DAB1: variants seen among roughly 807,000 people sequenced by gnomAD.
DAB1 encodes the protein disabled homolog 1.
In DAB1, 15 loss-of-function variants were observed where a neutral mutation model predicts 64.6. The observed-to-expected ratio is 0.23, with a 90% CI of 0.16 to 0.36. The LOEUF is 0.36. DAB1 is among the 10% of genes least tolerant of loss of function. The probability of loss-of-function intolerance (pLI) is 1.00; values close to 1 mark genes in which losing one functional copy is unlikely to be tolerated. For missense variants in DAB1, 596 were observed against 706.7 expected, an observed-to-expected ratio of 0.84 and a Z score of 1.78; for synonymous variants, 235 against 251.9, an observed-to-expected ratio of 0.93 and a Z score of 0.64.
At chr1:57,098,236 C>T (rs956933496) in intron 4 of DAB1, among the ~76,000 whole-genome samples, 2 of 152,060 alleles carry the variant, frequency 1.3e-5, no homozygotes, top group African/African-American at 4.8e-5. Flanking sequence ...AATATCTTAC[C>T]TTTATTTACT....
At chr1:57,871,966 G>C (rs1188899298) in intron 1 of DAB1, among the ~76,000 whole-genome samples, 3 of 151,962 alleles carry the variant, frequency 2.0e-5, no homozygotes, top group Non-Finnish European at 4.4e-5. Context: ...GCTATTTAGG[G>C]GACTGTGACT....
At chr1:57,121,130 G>GAGA (rs758921715) in intron 4 of DAB1, among the ~76,000 whole-genome samples, 8,592 of 130,980 alleles carry the variant, frequency 0.066, 323 homozygotes, top group East Asian at 0.21. Flanking sequence ...AGAAGAAGAA[G>GAGA]AGAAGAAGAA....
Position 58,096,457 on chromosome 1 carries a change from T to G in DAB1, n.387+54054A>C, listed in dbSNP as rs1045390331. 2.6e-5 allele frequency among the ~76,000 whole-genome samples: 4 copies of G among 152,366 alleles called. No individual in the cohort carries two copies. The South Asian group carries it at 8.3e-4, about 32-fold the overall frequency. On this transcript the variant is annotated intron_variant and non_coding_transcript_variant, in intron 5 of 20. Coordinates refer to the DAB1 transcript ENST00000485760. ...TTTGTGATAGCTGTTTCAGCCGTGGTGTGAGATCACTTGTATGTGTGTATG... is the reference window on the plus strand; with the variant it reads ...TTTGTGATAGCTGTTTCAGCCGTGGGGTGAGATCACTTGTATGTGTGTATG...
chr1:57,645,911 C>T (rs1646186937), intron 7 of DAB1, among the ~76,000 whole-genome samples: 1 of 152,064 alleles, frequency 6.6e-6, no homozygotes, highest in African/African-American at 2.4e-5. Flanking sequence ...GAATCTCCTA[C>T]TTTCTTTCAA....
chr1:58,015,559 C>T (rs1239156517), intron 5 of DAB1, among the ~76,000 whole-genome samples: 1 of 152,174 alleles, frequency 6.6e-6, no homozygotes, highest in Non-Finnish European at 1.5e-5. Context: ...GGCCCAGCAT[C>T]CATGGCTTCT....
chr1:57,138,827 T>C (rs1250621792), intron 3 of DAB1, among the ~76,000 whole-genome samples: 1 of 152,206 alleles, frequency 6.6e-6, no homozygotes, highest in Non-Finnish European at 1.5e-5. Context: ...CTCCTGGAAG[T>C]TACCACCATC....
intron 7 of DAB1, among the ~76,000 whole-genome samples, chr1:57,491,842 A>C (rs1644169645): frequency 6.6e-6 from 1 of 152,152 alleles, no homozygotes; most frequent in African/African-American, 2.4e-5. Context: ...GCCCAGTTTG[A>C]TCGAGGAAGA....
chr1:57,207,446 C>CTTTTTTGTTTTTTTT (rs1665659591), intron 2 of DAB1, among the ~76,000 whole-genome samples: 1 of 98,460 alleles, frequency 1.0e-5, no homozygotes. Flanking sequence ...TATTTCCTTT[C>CTTTTTTGTTTTTTTT]TTTTTTTTTT....
intron 3 of DAB1, among the ~76,000 whole-genome samples, chr1:58,491,445 T>C (rs7523411): frequency 0.18 from 27,031 of 151,986 alleles, 2,540 homozygotes; most frequent in Middle Eastern, 0.23. Flanking sequence ...GGGCTAAATG[T>C]TCCAATCAAA....
At chr1:57,714,549 C>A (rs1342865590) in intron 6 of DAB1, among the ~76,000 whole-genome samples, 3 of 152,128 alleles carry the variant, frequency 2.0e-5, no homozygotes, top group Non-Finnish European at 2.9e-5. Flanking sequence ...GGCAACCAGG[C>A]AGAGGAAGAA....
At chr1:57,478,047 C>T (rs1230477000) in intron 7 of DAB1, among the ~76,000 whole-genome samples, 2 of 138,150 alleles carry the variant, frequency 1.4e-5, no homozygotes, top group Non-Finnish European at 3.1e-5. Context: ...TGCTATCCCT[C>T]CCCCCGCCCC....
intron 7 of DAB1, among the ~76,000 whole-genome samples, chr1:57,553,448 GAAA>G (rs1644945178): frequency 3.7e-5 from 4 of 108,368 alleles, no homozygotes; most frequent in Admixed American, 3.0e-4. Context: ...GAAAGAGAAA[GAAA>G]GAAAGAAAGA....
intron 3 of DAB1, among the ~76,000 whole-genome samples, chr1:58,465,790 A>G (rs925110593): frequency 6.6e-6 from 1 of 152,162 alleles, no homozygotes; most frequent in African/African-American, 2.4e-5. Flanking sequence ...GGAGACAGGA[A>G]CCGTCATTAT....
chr1:58,372,803 T>C (rs1644278518), intron 3 of DAB1, among the ~76,000 whole-genome samples: 1 of 152,186 alleles, frequency 6.6e-6, no homozygotes, highest in Admixed American at 6.5e-5. Flanking sequence ...CTCTTTCTTG[T>C]CTGCCACCAT....
chr1:57,541,168 A>G (rs2793640), intron 7 of DAB1, among the ~76,000 whole-genome samples: 138,721 of 149,748 alleles, frequency 0.93, 65,156 homozygotes, highest in East Asian at 1. Context: ...TTGCTCTGTC[A>G]CCCAGGCTGG....
At chr1:57,486,596 C>G (rs1369607723) in intron 7 of DAB1, among the ~76,000 whole-genome samples, 2 of 152,148 alleles carry the variant, frequency 1.3e-5, no homozygotes, top group Admixed American at 6.5e-5. Flanking sequence ...GATTGTGAAA[C>G]TAAAGATGAG....
chr1:57,446,311 T>C (rs1408478607), intron 7 of DAB1, among the ~76,000 whole-genome samples: 1 of 152,118 alleles, frequency 6.6e-6, no homozygotes, highest in East Asian at 1.9e-4. Context: ...TATGACTAAA[T>C]TTTAGGCCAG....
intron 7 of DAB1, among the ~76,000 whole-genome samples, chr1:57,611,775 C>T (rs1399295879): frequency 6.6e-6 from 1 of 152,220 alleles, no homozygotes; most frequent in African/African-American, 2.4e-5. Context: ...TACATCTACT[C>T]TTGCCACCCC....
At chr1:58,292,464 A>G (rs971502423) in intron 4 of DAB1, among the ~76,000 whole-genome samples, 4 of 152,230 alleles carry the variant, frequency 2.6e-5, no homozygotes, top group Admixed American at 6.5e-5. Flanking sequence ...CATTCAATAC[A>G]TAGGCACTAG....
Sources: gnomAD v4.1 joint callset for allele counts (sites outside exome capture counted in the v4.1 genomes callset) on GRCh38, gnomAD v4.1.1 for gene constraint, MANE v1.5 for transcripts, NCBI Gene and HGNC (gene_info 2026-07-23, HGNC 2026-07-21) for gene names.